Variants in SLC23A2 observed in about 807,000 individuals in gnomAD.
SLC23A2 encodes Na(+)/L-ascorbic acid transporter 2.
Under a neutral mutation model 73.3 loss-of-function variants are expected in SLC23A2, and 36 were observed. That is an observed-to-expected ratio of 0.49 (90% CI 0.38 to 0.65). The LOEUF is 0.65. SLC23A2 is among the 30% of genes least tolerant of loss of function. The pLI is 0.00. For synonymous variants in SLC23A2, 343 were observed against 327.3 expected, an observed-to-expected ratio of 1.05 and a Z score of -0.52; for missense variants, 507 against 841.6, an observed-to-expected ratio of 0.60 and a Z score of 4.92.
intron 2 of SLC23A2, among the ~76,000 whole-genome samples, chr20:4,941,356 C>A (rs2087038241): frequency 6.6e-6 from 1 of 152,022 alleles, no homozygotes; most frequent in African/African-American, 2.4e-5. Flanking sequence ...TAGTAAGATT[C>A]CATCTCTACA....
intron 2 of SLC23A2, among the ~76,000 whole-genome samples, chr20:4,957,537 T>C (rs1051508911): frequency 1.3e-5 from 2 of 150,160 alleles, no homozygotes; most frequent in African/African-American, 4.9e-5. Context: ...GAAAAAACTT[T>C]GATGGTCTTA....
chr20:4,857,873 G>A lies in SLC23A2; in HGVS notation c.1721-669C>T, dbSNP rs909015714. On this transcript the variant is annotated intron_variant, in intron 16 of 16. Transcript: ENST00000338244. This position sits in a 1 kb window ranked among gnomAD's most constrained non-coding sequence, Gnocchi z 4.0. The stretch of plus-strand genomic sequence containing the variant: ...TTGAACCCGAGAGGCAGAGACTGCA[G>A]TGAGCTGAGATCATGCCATTGCACT... 6.6e-6 allele frequency among the ~76,000 whole-genome samples: 1 copy of A among 152,196 alleles called. No homozygotes were observed. Among genetic ancestry groups the A allele is most frequent in the African/African-American group, 2.4e-5 (1 of 41,434 alleles).
chr20:4,885,791 A>G, intron 7 of SLC23A2, 30 bp downstream of exon 7: 1 of 1,478,160 alleles, frequency 6.8e-7, no homozygotes. Context: ...AAAGGACCCC[A>G]ATGACATATG....
intron 1 of SLC23A2, among the ~76,000 whole-genome samples, chr20:4,982,747 G>T (rs370498651): frequency 6.6e-6 from 1 of 152,130 alleles, no homozygotes; most frequent in Non-Finnish European, 1.5e-5. Flanking sequence ...TCAAAAAAGG[G>T]CATCAGGACA....
rs548074118 is a variant in SLC23A2, at chr20:4,922,347, G to A, written c.109-9369C>T. ...CACGATGATCCCAGGAAGAACTGATGCTGACCCACAGAAAGCGGAGACAGC... is the reference window on the plus strand; with the variant it reads ...CACGATGATCCCAGGAAGAACTGATACTGACCCACAGAAAGCGGAGACAGC... On this transcript the variant is annotated intron_variant, in intron 3 of 16. Transcript: ENST00000338244. Among the ~76,000 whole-genome samples the A allele has an allele frequency of 2.0e-4, 31 of 152,316 alleles. No homozygotes were observed. The South Asian group carries it at 6.4e-3, about 32-fold the overall frequency.
intron 2 of SLC23A2, among the ~76,000 whole-genome samples, chr20:4,954,915 C>T (rs1278290521): frequency 1.3e-5 from 2 of 151,732 alleles, no homozygotes; most frequent in Non-Finnish European, 2.9e-5. Flanking sequence ...TGGTGGGTGC[C>T]ATTATAGAAG....
At position 4,943,911 on chromosome 20, in the gene SLC23A2, AGCCAGACACGAGACATGCAGT is replaced by A. The variant is rs1297961470; in HGVS notation, c.-154-11216_-154-11196del. 6.6e-5 allele frequency among the ~76,000 whole-genome samples: 10 copies of A among 152,186 alleles called. 1 individual carries two copies. The highest frequency in any genetic ancestry group is 1.9e-4 in the African/African-American group (8 of 41,444). Reference sequence around the variant, plus strand: ...AGCTGCACAGACATTTCGTTAAAGCAGCCAGACACGAGACATGCAGTCTGATTCTCAAAAGACAAACCATTC... The same window carrying A: ...AGCTGCACAGACATTTCGTTAAAGCACTGATTCTCAAAAGACAAACCATTC... On this transcript the variant is annotated intron_variant, in intron 2 of 16. Transcript: ENST00000338244.
At chr20:4,970,998 C>T (rs1426512257) in intron 1 of SLC23A2, 79 bp from the exon 2 acceptor site, 2 of 152,116 alleles carry the variant, frequency 1.3e-5, no homozygotes, top group African/African-American at 2.4e-5. Context: ...GTCTATTTTT[C>T]ACCCAGCCAT....
intron 2 of SLC23A2, among the ~76,000 whole-genome samples, chr20:4,938,016 T>C (rs532939595): frequency 6.6e-6 from 1 of 150,880 alleles, no homozygotes; most frequent in Admixed American, 6.6e-5. Context: ...ACTTAACTCG[T>C]GTTCTCATTC....
chr20:4,983,157 A>C (rs907960404), intron 1 of SLC23A2, among the ~76,000 whole-genome samples: 5 of 152,124 alleles, frequency 3.3e-5, no homozygotes, highest in African/African-American at 1.2e-4. Flanking sequence ...CCCCTACCTC[A>C]AACATTAAAA....
At chr20:4,908,042 T>C (rs1932018793) in intron 4 of SLC23A2, among the ~76,000 whole-genome samples, 1 of 151,902 alleles carries the variant, frequency 6.6e-6, no homozygotes, top group South Asian at 2.1e-4. Context: ...AGCTCCGTGC[T>C]AAGAGGAAAA....
In SLC23A2 at chr20:4,998,741, G is replaced by A. The variant is rs150143211; in HGVS notation, c.-282+2665C>T. Among the ~76,000 whole-genome samples, 294 of 151,270 alleles carry A rather than the reference G, an allele frequency of 1.9e-3. 1 individual carries two copies. Among genetic ancestry groups the A allele is most frequent in the African/African-American group, 6.9e-3 (283 of 41,268 alleles). ...GCCTAAGAGGATTAAATATAAATACGTTTTTAAAAAGCTTCAATTTACATG... is the reference window on the plus strand; with the variant it reads ...GCCTAAGAGGATTAAATATAAATACATTTTTAAAAAGCTTCAATTTACATG... On this transcript the variant is annotated intron_variant, in intron 1 of 16. Transcript: ENST00000338244. This position sits in a 1 kb window ranked among gnomAD's most constrained non-coding sequence, Gnocchi z 4.1.
At chr20:4,967,240 T>C (rs1271999744) in intron 2 of SLC23A2, among the ~76,000 whole-genome samples, 1 of 152,234 alleles carries the variant, frequency 6.6e-6, no homozygotes, top group Non-Finnish European at 1.5e-5. Flanking sequence ...AATATGTGTA[T>C]TTAAAAAGGA....
At chr20:4,874,928 C>T (rs1481509386) in intron 9 of SLC23A2, among the ~76,000 whole-genome samples, 1 of 152,170 alleles carries the variant, frequency 6.6e-6, no homozygotes. Flanking sequence ...TTTCTTGATA[C>T]TGAAATGAAA....
chr20:4,982,241 C>A (rs1357829214), intron 1 of SLC23A2, among the ~76,000 whole-genome samples: 2 of 152,076 alleles, frequency 1.3e-5, no homozygotes, highest in African/African-American at 4.8e-5. Context: ...GATCTGCCCA[C>A]CTCGGCCTCC....
intron 1 of SLC23A2, among the ~76,000 whole-genome samples, chr20:5,006,752 G>A (rs1236848612): frequency 6.6e-6 from 1 of 151,884 alleles, no homozygotes; most frequent in Non-Finnish European, 1.5e-5. Context: ...TGTTGGCCAG[G>A]CTGGTCTCAA....
chr20:4,866,925 C>G (rs545040299), intron 13 of SLC23A2, among the ~76,000 whole-genome samples: 1 of 152,164 alleles, frequency 6.6e-6, no homozygotes, highest in East Asian at 1.9e-4. Flanking sequence ...GTCTTAGTTT[C>G]ACAACATACC....
At chr20:4,974,074 C>T (rs1353519235) in intron 1 of SLC23A2, among the ~76,000 whole-genome samples, 1 of 152,156 alleles carries the variant, frequency 6.6e-6, no homozygotes, top group Non-Finnish European at 1.5e-5. Flanking sequence ...GGAGAGAATG[C>T]CAGGGCCAGT....
intron 11 of SLC23A2, among the ~76,000 whole-genome samples, chr20:4,870,509 G>A (rs1367115133): frequency 2.6e-5 from 4 of 152,026 alleles, no homozygotes; most frequent in Non-Finnish European, 4.4e-5. Flanking sequence ...CCTAGGAGGC[G>A]GAGGTTGCAG....
Sources: gnomAD v4.1 joint callset for allele counts (sites outside exome capture counted in the v4.1 genomes callset) on GRCh38, gnomAD v4.1.1 for gene constraint, Gnocchi (gnomAD v3.1) non-coding constraint, MANE v1.5 for transcripts, NCBI Gene and HGNC (gene_info 2026-07-23, HGNC 2026-07-21) for gene names.